Variants in CLCA2 observed in about 807,000 individuals in gnomAD.
The protein encoded by CLCA2 is calcium-activated chloride channel regulator 2.
In CLCA2, 85 loss-of-function variants were observed where a neutral mutation model predicts 82.9. The ratio of observed to expected loss-of-function variants is 1.03; its 90% CI spans 0.86 to 1.23. The LOEUF is 1.23. Among genes scored for constraint, CLCA2 ranks in the 50% most tolerant of loss-of-function variants. The pLI is 0.00. For missense variants in CLCA2, 1,089 were observed against 1,124.8 expected (o/e 0.97, Z 0.45); for synonymous variants, 421 against 391.7 (o/e 1.07, Z -0.88).
chr1:86,436,941 C>T (rs552139439), intron 6 of CLCA2, among the ~76,000 whole-genome samples: 28 of 152,200 alleles, frequency 1.8e-4, no homozygotes, highest in Admixed American at 1.6e-3. Flanking sequence ...CTCGAACTCC[C>T]GACCTCAGGT....
chr1:86,450,434 A>C, intron 11 of CLCA2, 129 bp from the exon 12 acceptor site: 3 of 636,322 alleles, frequency 4.7e-6, no homozygotes, highest in Non-Finnish European at 7.2e-6. Context: ...GAATGTAAAA[A>C]GTAGATAAGA....
chr1:86,441,430 AT>A lies in CLCA2; in HGVS notation c.1382-4del. On this transcript the variant is annotated splice_polypyrimidine_tract_variant and splice_region_variant and intron_variant, in intron 8 of 13. Transcript: ENST00000370565. ...TTAATAGTGAACACTCCTATCATGT[AT>A]TTCAGGAGGTTTAAAGTTCTTTGTT... is the stretch of plus-strand genomic sequence containing the variant. 6.5e-7 allele frequency: 1 copy of A among 1,544,234 alleles called. No individual in the cohort carries two copies. The highest frequency in any genetic ancestry group is 8.9e-7 in the Non-Finnish European group (1 of 1,119,836).
At chr1:86,431,730 G>A (rs1662501724) in intron 4 of CLCA2, among the ~76,000 whole-genome samples, 1 of 152,150 alleles carries the variant, frequency 6.6e-6, no homozygotes, top group Non-Finnish European at 1.5e-5. Context: ...CCAGGATCTT[G>A]CCACTCATGT....
At chr1:86,440,568 A>G (rs1275819909) in intron 8 of CLCA2, among the ~76,000 whole-genome samples, 1 of 152,126 alleles carries the variant, frequency 6.6e-6, no homozygotes, top group East Asian at 1.9e-4. Context: ...AGCCAGTGTG[A>G]GCATGCATAA....
At chr1:86,454,957 C>A in intron 13 of CLCA2, 128 bp from the exon 14 acceptor site, 1 of 521,760 alleles carries the variant, frequency 1.9e-6, no homozygotes, top group Non-Finnish European at 3.2e-6. Flanking sequence ...TGCTTGTATT[C>A]ATATTTCTCG....
chr1:86,437,711 T>C (rs1373870456), intron 6 of CLCA2, among the ~76,000 whole-genome samples: 1 of 152,072 alleles, frequency 6.6e-6, no homozygotes, highest in African/African-American at 2.4e-5. Context: ...ATTGAGTTGA[T>C]GGGACCTGTT....
At chr1:86,449,839 C>T (rs1435202990) in intron 11 of CLCA2, among the ~76,000 whole-genome samples, 1 of 152,118 alleles carries the variant, frequency 6.6e-6, no homozygotes, top group African/African-American at 2.4e-5. Flanking sequence ...GGGGTCTAGG[C>T]CTTCCTGCCA....
At chr1:86,447,811 T>A in intron 11 of CLCA2, 33 bp downstream of exon 11, 1 of 1,593,346 alleles carries the variant, frequency 6.3e-7, no homozygotes, top group Non-Finnish European at 8.5e-7. Context: ...TTTATCATCT[T>A]CTCAACAGCT....
At chr1:86,446,614 A>T (rs1662859750) in intron 10 of CLCA2, among the ~76,000 whole-genome samples, 1 of 152,198 alleles carries the variant, frequency 6.6e-6, no homozygotes, top group South Asian at 2.1e-4. Context: ...AAGCTCATGA[A>T]TCCCAATGAA....
chr1:86,446,574 C>T (rs1662859107), intron 10 of CLCA2, among the ~76,000 whole-genome samples: 1 of 152,144 alleles, frequency 6.6e-6, no homozygotes, highest in Non-Finnish European at 1.5e-5. Context: ...AAAACATAGT[C>T]CTTGAATCAT....
rs1662566089 is a variant in CLCA2, at chr1:86,434,662, C to G, written c.889C>G (p.Pro297Ala). The G allele has an allele frequency of 6.2e-7, 1 of 1,614,136 alleles. No homozygotes were observed. ...HSFPMNGTELPPPPTFSLVQA... is the reference protein window; with the variant it reads ...HSFPMNGTELAPPPTFSLVQA... ...CTTTCCCATGAATGGGACTGAGCTTCCACCTCCTCCCACATTCTCGCTTGT... is the reference window on the plus strand; with the variant it reads ...CTTTCCCATGAATGGGACTGAGCTTGCACCTCCTCCCACATTCTCGCTTGT... Residue 297 changes from proline to alanine, a missense_variant, in exon 6 of 14, where the codon CCA (proline) becomes GCA (alanine). Physicochemically the swap from Pro to Ala is conservative, Grantham distance 27 (BLOSUM62 -1). Transcript: ENST00000370565.
At position 86,443,856 on chromosome 1, in the gene CLCA2, G is replaced by A; in HGVS notation, c.1558G>A (p.Val520Met). The A allele has an allele frequency of 6.2e-7, 1 of 1,614,040 alleles. No homozygotes were observed. The highest frequency in any genetic ancestry group is 1.1e-5 in the South Asian group (1 of 91,086). Residue 520 changes from valine (V) to methionine (M), a missense_variant, in exon 10 of 14, where the codon GTG (valine) becomes ATG (methionine). By Grantham distance (21) the Val-to-Met change is conservative. Coordinates refer to ENST00000370565, the MANE Select transcript of CLCA2 (RefSeq NM_006536.7). Reference protein sequence around the residue: ...LKNTVTVDNTVGNDTMFLVTW... With the variant: ...LKNTVTVDNTMGNDTMFLVTW... ...AAACACAGTGACTGTGGATAATACT[G>A]TGGGCAACGACACTATGTTTCTAGT...
intron 8 of CLCA2, among the ~76,000 whole-genome samples, chr1:86,441,219 C>T (rs903609748): frequency 4.6e-5 from 7 of 152,032 alleles, no homozygotes; most frequent in African/African-American, 1.7e-4. Flanking sequence ...GTTCTAGGCC[C>T]TGGCAATACA....
rs3820038 is a variant in CLCA2, at chr1:86,441,313, A to T, written c.1382-124A>T. ...GGATGTCAGGCAAAGCAAGTCAAGC[A>T]CAGCTCCCATTTCCCCAAAACAAAC... On this transcript the variant is annotated intron_variant, in intron 8 of 13. Transcript: ENST00000370565. 4,900 of 598,028 alleles carry T rather than the reference A, an allele frequency of 8.2e-3. 224 individuals carry two copies. The East Asian group carries it at 0.11, about 13-fold the overall frequency. The allele number at this position is 598,028 out of a possible 1,614,324, so 37.0% of individuals were successfully genotyped here.
rs1662880176 is a variant in CLCA2, at chr1:86,447,584, C to T, written c.1790C>T (p.Ala597Val). The change falls in exon 11 of 14, where the codon GCC (alanine) becomes GTC (valine). Residue 597 changes from alanine to valine, a missense_variant. Transcript: ENST00000370565. ...CTGAAAGTGACAGTGACCTCTCGCGCCTCCAACTCAGCTGTGCCCCCAGCC... is the reference window on the plus strand; with the variant it reads ...CTGAAAGTGACAGTGACCTCTCGCGTCTCCAACTCAGCTGTGCCCCCAGCC... ...QALKVTVTSR[A>V]SNSAVPPATV... 3 of 1,614,102 alleles carry T rather than the reference C, an allele frequency of 1.9e-6. No homozygotes were observed. The highest frequency in any genetic ancestry group is 2.5e-6 in the Non-Finnish European group (3 of 1,179,994).
At chr1:86,429,218 A>G (rs1319696443) in intron 3 of CLCA2, among the ~76,000 whole-genome samples, 5 of 152,200 alleles carry the variant, frequency 3.3e-5, no homozygotes, top group South Asian at 4.1e-4. Flanking sequence ...GGGTGGAGAC[A>G]GTGAGATGGG....
At chr1:86,430,229 C>A (rs1472305905) in intron 3 of CLCA2, among the ~76,000 whole-genome samples, 1 of 152,056 alleles carries the variant, frequency 6.6e-6, no homozygotes, top group Non-Finnish European at 1.5e-5. Context: ...GGATCTCATG[C>A]AGAGGATGGG....
chr1:86,433,200 T>A (rs1180876714), intron 5 of CLCA2, among the ~76,000 whole-genome samples: 1 of 152,182 alleles, frequency 6.6e-6, no homozygotes, highest in East Asian at 1.9e-4. Flanking sequence ...GAGCATGGAA[T>A]CAGAAACGAG....
At chr1:86,441,566 AT>A in intron 9 of CLCA2, 23 bp downstream of exon 9, 3 of 1,504,036 alleles carry the variant, frequency 2.0e-6, no homozygotes, top group Non-Finnish European at 2.8e-6. Context: ...TCAATGTTAT[AT>A]TTCCAGGTGG....
Sources: allele counts gnomAD v4.1 joint callset (sites outside exome capture counted in the v4.1 genomes callset), GRCh38; gene constraint gnomAD v4.1.1; transcripts MANE v1.5; gene names NCBI Gene and HGNC (gene_info 2026-07-23, HGNC 2026-07-21).